WDR64: variants seen among roughly 807,000 people sequenced by gnomAD.
The protein encoded by WDR64 is WD repeat-containing protein 64.
Under a neutral mutation model 139.3 loss-of-function variants are expected in WDR64, and 112 were observed. The observed-to-expected ratio is 0.80, with a 90% CI of 0.69 to 0.94. The LOEUF is 0.94. Among genes scored for constraint, WDR64 ranks in the 40% least tolerant of loss-of-function variants. The pLI is 0.00. For synonymous variants in WDR64, 444 were observed against 437.7 expected (o/e 1.01, Z -0.18); for missense variants, 1,206 against 1,293.1 (o/e 0.93, Z 1.03).
chr1:241,674,962 CCTT>C (rs1308032138), intron 4 of WDR64, among the ~76,000 whole-genome samples: 1 of 26,680 alleles, frequency 3.7e-5, no homozygotes, highest in Non-Finnish European at 1.0e-4. Context: ...CTCTCTCCTC[CCTT>C]CTTTTTCTTT....
chr1:241,795,444 T>C (rs1659337477), intron 26 of WDR64, among the ~76,000 whole-genome samples, 157 bp downstream of exon 26: 1 of 152,208 alleles, frequency 6.6e-6, no homozygotes, highest in African/African-American at 2.4e-5. Context: ...CAGAAAAGTC[T>C]TGGACTGTGT....
rs1213736390 is a variant in WDR64 at position 241,801,932 on chromosome 1, T to C, written c.*717T>C. ...GTCAGAATGGATTAAAAAAACAAAATCCAACTATATGTTGTTTACAAGAAA... is the reference window on the plus strand; with the variant it reads ...GTCAGAATGGATTAAAAAAACAAAACCCAACTATATGTTGTTTACAAGAAA... On this transcript the variant is annotated 3_prime_UTR_variant, in exon 28 of 28. Transcript: ENST00000437684. The C allele has an allele frequency of 2.5e-6, 1 of 397,502 alleles. No homozygotes were observed. Among genetic ancestry groups the C allele is most frequent in the Non-Finnish European group, 4.4e-6 (1 of 225,698 alleles). The allele number at this position is 397,502 out of a possible 1,614,324, so 24.6% of individuals were successfully genotyped here. A position where few individuals can be genotyped will look rare whatever the true frequency, so the allele number is the denominator to read the frequency against.
At chr1:241,737,531 A>G (rs571966844) in intron 10 of WDR64, among the ~76,000 whole-genome samples, 2 of 152,328 alleles carry the variant, frequency 1.3e-5, no homozygotes, top group African/African-American at 4.8e-5. Context: ...TGAAAATATT[A>G]TTTAAGGGCT....
chr1:241,663,397 G>T (rs1196047305), intron 2 of WDR64, among the ~76,000 whole-genome samples: 1 of 152,146 alleles, frequency 6.6e-6, no homozygotes, highest in Non-Finnish European at 1.5e-5. Flanking sequence ...ACATGTCTAA[G>T]CTCTTCCATA....
At chr1:241,798,522 A>G (rs1659431645) in intron 27 of WDR64, among the ~76,000 whole-genome samples, 1 of 152,222 alleles carries the variant, frequency 6.6e-6, no homozygotes, top group Admixed American at 6.5e-5. Context: ...ACATAAAATC[A>G]GTAGTTAGAC....
rs375353743 is a variant in WDR64 at position 241,790,724 on chromosome 1, A to C, written c.2997+28A>C. ...AGCTTAAAAAAAAAAAAAAAAAAGAAATGGCAACAACAACAAAACCTTTGC... is the reference window on the plus strand; with the variant it reads ...AGCTTAAAAAAAAAAAAAAAAAAGACATGGCAACAACAACAAAACCTTTGC... On this transcript the variant is annotated intron_variant, in intron 25 of 27. Coordinates refer to ENST00000437684, the MANE Select transcript of WDR64 (RefSeq NM_001367482.1). The C allele has an allele frequency of 4.5e-3, 6,147 of 1,362,140 alleles. 25 individuals carry two copies. The highest frequency in any genetic ancestry group is 5.7e-3 in the Non-Finnish European group (5,643 of 981,886). The allele number at this position is 1,362,140 out of a possible 1,614,324, so 84.4% of individuals were successfully genotyped here.
At chr1:241,737,915 T>A (rs1176383682) in intron 10 of WDR64, among the ~76,000 whole-genome samples, 1 of 152,220 alleles carries the variant, frequency 6.6e-6, no homozygotes, top group African/African-American at 2.4e-5. Flanking sequence ...AGGTTTTTAG[T>A]AACTTCACTT....
At position 241,744,425 on chromosome 1, in the gene WDR64, C is replaced by T. The variant is rs371271800; in HGVS notation, c.1503C>T (p.Tyr501=). 1.2e-6 allele frequency: 2 copies of T among 1,613,922 alleles called. No individual in the cohort carries two copies. Among genetic ancestry groups the T allele is most frequent in the African/African-American group, 2.7e-5 (2 of 74,896 alleles). The change falls in exon 13 of 28, where the codon TAC becomes TAT. Residue 501 remains tyrosine (Y), a synonymous_variant. Transcript: ENST00000437684. ...VWELETGLQV[Y]QILEPHGFNT... is the part of the protein sequence containing the mutation. Reference sequence around the variant, plus strand: ...AACTCGAGACTGGGCTCCAAGTATACCAGATTTTAGAACCTCATGGTTTCA... The same window carrying T: ...AACTCGAGACTGGGCTCCAAGTATATCAGATTTTAGAACCTCATGGTTTCA...
At chr1:241,756,731 A>G (rs1670205720) in intron 14 of WDR64, among the ~76,000 whole-genome samples, 1 of 152,316 alleles carries the variant, frequency 6.6e-6, no homozygotes, top group East Asian at 1.9e-4. Flanking sequence ...TGCATATCTT[A>G]TAGTTAGGTC....
chr1:241,654,965 G>GA (rs757228386), intron 1 of WDR64, among the ~76,000 whole-genome samples: 20 of 152,146 alleles, frequency 1.3e-4, no homozygotes, highest in Non-Finnish European at 2.8e-4. Context: ...CCCAAAATCT[G>GA]AAAAAAATCC....
intron 25 of WDR64, among the ~76,000 whole-genome samples, chr1:241,794,515 T>TG (rs1553382971): frequency 7.0e-6 from 1 of 143,170 alleles, no homozygotes; most frequent in African/African-American, 2.6e-5. Flanking sequence ...TTTTTTTTTT[T>TG]TTTTTTTTTT....
At chr1:241,752,503 G>C (rs1038210712) in intron 14 of WDR64, among the ~76,000 whole-genome samples, 8 of 152,170 alleles carry the variant, frequency 5.3e-5, no homozygotes, top group African/African-American at 1.7e-4. Context: ...AATTCAGAAA[G>C]TCTGAGAGCC....
intron 23 of WDR64, among the ~76,000 whole-genome samples, chr1:241,783,784 T>C (rs908286902): frequency 6.6e-6 from 1 of 152,214 alleles, no homozygotes; most frequent in East Asian, 1.9e-4. Context: ...AAGCTAATTA[T>C]GTCATTGACT....
At chr1:241,792,265 G>A (rs746289462) in intron 25 of WDR64, among the ~76,000 whole-genome samples, 8 of 152,160 alleles carry the variant, frequency 5.3e-5, no homozygotes, top group African/African-American at 1.9e-4. Flanking sequence ...GGCCGGGTGC[G>A]GTGGCTCACG....
chr1:241,742,862 C>T (rs1384344159), intron 12 of WDR64, among the ~76,000 whole-genome samples: 4 of 152,150 alleles, frequency 2.6e-5, no homozygotes, highest in East Asian at 1.9e-4. Context: ...CCATGCTAAC[C>T]GTGTCCATCA....
chr1:241,749,777 A>T, intron 14 of WDR64, 55 bp downstream of exon 14: 1 of 1,580,626 alleles, frequency 6.3e-7, no homozygotes, highest in South Asian at 1.1e-5. Flanking sequence ...GGAAAATCAA[A>T]TGAGTCAGTG....
chr1:241,772,451 C>CTTTTTTTTTTTTTTTTTTTTTTTTTT (rs534177884), intron 19 of WDR64, among the ~76,000 whole-genome samples: 1 of 59,020 alleles, frequency 1.7e-5, no homozygotes, highest in Non-Finnish European at 3.0e-5. Context: ...AAGATAGATC[C>CTTTTTTTTTTTTTTTTTTTTTTTTTT]TTTTTTTTTT....
chr1:241,708,692 G>GTTTT lies in WDR64; in HGVS notation c.975-3102_975-3099dup, dbSNP rs766069628. Among the ~76,000 whole-genome samples the GTTTT allele has an allele frequency of 8.5e-3, 507 of 59,838 alleles. 62 individuals are homozygous for GTTTT. The highest frequency in any genetic ancestry group is 0.034 in the Middle Eastern group (3 of 88). The allele number at this position is 59,838 out of a possible 152,430, so 39.3% of individuals were successfully genotyped here. ...TATCAAGTTAGGGCTGAGGTCCATG[G>GTTTT]TTTTTTTTTTTGTTTTTTTGTTTTT... On this transcript the variant is annotated intron_variant, in intron 8 of 27. Transcript: ENST00000437684.
intron 21 of WDR64, among the ~76,000 whole-genome samples, chr1:241,777,257 G>A (rs191490540): frequency 6.6e-6 from 1 of 151,710 alleles, no homozygotes; most frequent in East Asian, 2.0e-4. Context: ...TTTTCCTGTA[G>A]AGACAGGTCT....
Sources: allele counts gnomAD v4.1 joint callset (sites outside exome capture counted in the v4.1 genomes callset), GRCh38; gene constraint gnomAD v4.1.1; transcripts MANE v1.5; gene names NCBI Gene and HGNC (gene_info 2026-07-23, HGNC 2026-07-21).